SOX5: variants seen among roughly 807,000 people sequenced by gnomAD.
The protein encoded by SOX5 is SRY-box transcription factor 5.
A neutral mutation model predicts 92.0 loss-of-function variants in SOX5; 9 were observed. That is an observed-to-expected ratio of 0.10 (90% CI 0.06 to 0.17). SOX5 has a LOEUF of 0.17. SOX5 is among the 10% of genes least tolerant of loss of function. The pLI, the probability that SOX5 is intolerant of heterozygous loss-of-function variation, is 1.00. For synonymous variants in SOX5, 344 were observed against 336.3 expected (o/e 1.02, Z -0.25); for missense variants, 642 against 944.5 (o/e 0.68, Z 4.20).
rs144425391 is a variant in SOX5 at position 24,303,507 on chromosome 12, G to T, written c.-173-26195C>A. ...GCACAGTATCTAAACAAAAAAATAG[G>T]TATTTTTAAGTTTAGATTTCCTTTA... On this transcript the variant is annotated intron_variant, in intron 2 of 4. Coordinates refer to the SOX5 transcript ENST00000446891. 2.7e-3 allele frequency among the ~76,000 whole-genome samples: 410 copies of T among 152,222 alleles called. 4 individuals carry two copies. The highest frequency in any genetic ancestry group is 9.3e-3 in the African/African-American group (387 of 41,526).
At chr12:24,468,791 T>TAGAA (rs2137595264) in intron 1 of SOX5, among the ~76,000 whole-genome samples, 1 of 152,354 alleles carries the variant, frequency 6.6e-6, no homozygotes, top group East Asian at 1.9e-4. Context: ...TCAAGGAGTC[T>TAGAA]AATGATGTTT....
At chr12:24,082,323 G>A (rs912950187) in intron 4 of SOX5, among the ~76,000 whole-genome samples, 28 of 146,762 alleles carry the variant, frequency 1.9e-4, no homozygotes, top group African/African-American at 6.8e-4. Context: ...AGTTTTGCCT[G>A]GGAGTTTTTA....
At chr12:24,097,246 G>A (rs1466635427) in intron 4 of SOX5, among the ~76,000 whole-genome samples, 4 of 152,044 alleles carry the variant, frequency 2.6e-5, no homozygotes, top group African/African-American at 4.8e-5. Context: ...TTTTGTTGTT[G>A]AGTTGCAAGT....
At chr12:24,251,130 C>T (rs1939954466) in intron 3 of SOX5, among the ~76,000 whole-genome samples, 2 of 152,206 alleles carry the variant, frequency 1.3e-5, no homozygotes, top group Admixed American at 6.5e-5. Context: ...AACAAAAAAA[C>T]TTACTTCTAC....
intron 2 of SOX5, among the ~76,000 whole-genome samples, chr12:24,325,607 G>T (rs1595594883): frequency 6.6e-6 from 1 of 152,164 alleles, no homozygotes; most frequent in East Asian, 1.9e-4. Context: ...GAACAGTAAA[G>T]AATAACTTTA....
chr12:23,954,453 C>CAAAA (rs200770197), upstream of SOX5, among the ~76,000 whole-genome samples: 467 of 149,434 alleles, frequency 3.1e-3, 3 homozygotes, highest in African/African-American at 0.011. Flanking sequence ...CTTCCTCTTT[C>CAAAA]AAAAAAAAAG....
chr12:24,389,496 G>T (rs1958775042), intron 1 of SOX5, among the ~76,000 whole-genome samples: 1 of 152,150 alleles, frequency 6.6e-6, no homozygotes, highest in Non-Finnish European at 1.5e-5. Flanking sequence ...ATGGTGATTT[G>T]CTGCACAGAT....
At chr12:24,013,801 T>C (rs1953244135) in intron 4 of SOX5, among the ~76,000 whole-genome samples, 1 of 152,242 alleles carries the variant, frequency 6.6e-6, no homozygotes, top group Admixed American at 6.5e-5. Flanking sequence ...CAAATTAGAA[T>C]GCTGTAGTTT....
At chr12:23,583,241 ACT>A (rs1049532509) in intron 9 of SOX5, among the ~76,000 whole-genome samples, 1 of 151,814 alleles carries the variant, frequency 6.6e-6, no homozygotes, top group African/African-American at 2.4e-5. Flanking sequence ...TTTTAGATTA[ACT>A]CTCTATCTAA....
chr12:24,220,259 C>T (rs202053621), intron 3 of SOX5, among the ~76,000 whole-genome samples: 2 of 151,550 alleles, frequency 1.3e-5, no homozygotes, highest in East Asian at 3.9e-4. Flanking sequence ...TAGTTAACCA[C>T]TGAGATAAAT....
chr12:23,794,628 A>G (rs1031895771), intron 3 of SOX5, among the ~76,000 whole-genome samples: 1 of 152,176 alleles, frequency 6.6e-6, no homozygotes, highest in African/African-American at 2.4e-5. Flanking sequence ...ATGTTTACAG[A>G]TGATACTTCA....
intron 6 of SOX5, among the ~76,000 whole-genome samples, chr12:23,731,085 G>C (rs564263533): frequency 1.8e-4 from 27 of 152,246 alleles, no homozygotes; most frequent in African/African-American, 6.3e-4. Flanking sequence ...CTATCTGGTG[G>C]GACTGGGATA....
chr12:23,900,690 C>G (rs978325793), intron 1 of SOX5, among the ~76,000 whole-genome samples: 21 of 152,064 alleles, frequency 1.4e-4, no homozygotes, highest in Non-Finnish European at 2.6e-4. Context: ...AATGCCCACC[C>G]CCAGGCCAAG....
chr12:23,682,511 G>A (rs182793652), intron 6 of SOX5, among the ~76,000 whole-genome samples: 1 of 151,752 alleles, frequency 6.6e-6, no homozygotes, highest in African/African-American at 2.4e-5. Context: ...TAATGTGTGG[G>A]TGGTTGGCAG....
intron 4 of SOX5, among the ~76,000 whole-genome samples, chr12:24,042,405 C>T (rs1305234627): frequency 6.6e-6 from 1 of 152,058 alleles, no homozygotes; most frequent in Non-Finnish European, 1.5e-5. Flanking sequence ...GCCTAATATT[C>T]ACAGTAGAAT....
At chr12:23,974,700 G>A (rs1432170751) in intron 4 of SOX5, among the ~76,000 whole-genome samples, 1 of 152,086 alleles carries the variant, frequency 6.6e-6, no homozygotes, top group Non-Finnish European at 1.5e-5. Flanking sequence ...AAATATAAGG[G>A]AAAATTCATT....
chr12:24,559,939 T>A (rs553619594), intron 1 of SOX5, among the ~76,000 whole-genome samples: 1 of 152,332 alleles, frequency 6.6e-6, no homozygotes, highest in East Asian at 1.9e-4. Context: ...GAATTCTATA[T>A]ACAACATGCC....
In SOX5 at chr12:23,533,280, A is replaced by ATATT; in HGVS notation, c.*935_*938dup. ...ACACACAAAAATCCAAGATCAGAAA[A>ATATT]TATTTTTCTCTAAATTTCTTATGTC... On this transcript the variant is annotated 3_prime_UTR_variant, in exon 15 of 15. Coordinates refer to ENST00000451604, the MANE Select transcript of SOX5 (RefSeq NM_006940.6). 2.5e-6 allele frequency: 1 copy of ATATT among 407,558 alleles called. No individual in the cohort carries two copies. Among genetic ancestry groups the ATATT allele is most frequent in the Non-Finnish European group, 5.1e-6 (1 of 195,070 alleles). 25.2% of individuals were successfully genotyped at this position (407,558 alleles called of 1,614,324 possible).
At chr12:24,346,313 A>G (rs777492673) in intron 2 of SOX5, among the ~76,000 whole-genome samples, 10 of 152,206 alleles carry the variant, frequency 6.6e-5, no homozygotes, top group Non-Finnish European at 1.3e-4. Context: ...AGCAGGGAAA[A>G]ATATTTCAAA....
Sources: allele counts gnomAD v4.1 joint callset (sites outside exome capture counted in the v4.1 genomes callset), GRCh38; gene constraint gnomAD v4.1.1; transcripts MANE v1.5; gene names NCBI Gene and HGNC (gene_info 2026-07-23, HGNC 2026-07-21).